Variants in PGM2 observed in about 807,000 individuals in gnomAD.
PGM2 encodes phosphopentomutase.
In PGM2, 57 loss-of-function variants were observed where a neutral mutation model predicts 74.6. The ratio of observed to expected loss-of-function variants is 0.76; its 90% CI spans 0.62 to 0.95. The LOEUF (loss-of-function observed/expected upper bound fraction) is 0.95, where lower values mean the gene tolerates loss of function less well. Ranked by LOEUF, PGM2 falls within the 40% of genes least tolerant of loss-of-function variation. The pLI, the probability that PGM2 is intolerant of heterozygous loss-of-function variation, is 0.00. For missense variants in PGM2, 706 were observed against 741.9 expected, an observed-to-expected ratio of 0.95 and a Z score of 0.56; for synonymous variants, 273 against 260.7, an observed-to-expected ratio of 1.05 and a Z score of -0.46.
intron 10 of PGM2, among the ~76,000 whole-genome samples, chr4:37,848,034 G>A (rs114361766): frequency 0.021 from 3,257 of 152,244 alleles, 36 homozygotes; most frequent in Non-Finnish European, 0.034. Flanking sequence ...TTTTAAGAAA[G>A]ATTTTCTTTC....
chr4:37,835,615 C>A (rs1725547962), intron 3 of PGM2, among the ~76,000 whole-genome samples: 1 of 152,158 alleles, frequency 6.6e-6, no homozygotes, highest in African/African-American at 2.4e-5. Context: ...TAGAATTACA[C>A]ATATTGAATA....
At chr4:37,848,474 G>T in intron 10 of PGM2, 48 bp from the exon 11 acceptor site, 3 of 1,546,176 alleles carry the variant, frequency 1.9e-6, no homozygotes, top group Non-Finnish European at 2.7e-6. Context: ...CTCATATGTG[G>T]TTTGACACAG....
At chr4:37,848,372 C>T in intron 10 of PGM2, 150 bp from the exon 11 acceptor site, 1 of 606,324 alleles carries the variant, frequency 1.6e-6, no homozygotes, top group Non-Finnish European at 2.7e-6. Context: ...GGGCTAGGCA[C>T]TGGGCTAAAT....
chr4:37,826,715 G>T lies in PGM2; in HGVS notation c.-18G>T, dbSNP rs1041671369. The T allele has an allele frequency of 3.3e-5, 51 of 1,545,026 alleles. No individual in the cohort carries two copies. The highest frequency in any genetic ancestry group is 2.7e-4 in the Admixed American group (14 of 50,976). ...CTCACCGCCTGCTTCCCTCTGCAGC[G>T]GTAGCACAAGCTCAGCGATGGCGGC... On this transcript the variant is annotated 5_prime_UTR_variant, in exon 1 of 14. Transcript: ENST00000381967.
chr4:37,851,353 T>G (rs570459769), intron 12 of PGM2, among the ~76,000 whole-genome samples: 26 of 152,368 alleles, frequency 1.7e-4, no homozygotes, highest in Non-Finnish European at 3.5e-4. Flanking sequence ...TGTTTTCTAG[T>G]TAGTGTACTC....
chr4:37,850,215 T>G lies in PGM2; in HGVS notation c.1444T>G (p.Phe482Val). 1 of 1,577,118 alleles carries G rather than the reference T, an allele frequency of 6.3e-7. No homozygotes were observed. Among genetic ancestry groups the G allele is most frequent in the Non-Finnish European group, 8.6e-7 (1 of 1,165,462 alleles). The change falls in exon 12 of 14, where the codon TTT (phenylalanine) becomes GTT (valine). Residue 482 changes from phenylalanine (F) to valine (V), a missense_variant. Physicochemically the swap from Phe to Val is conservative, Grantham distance 50. Transcript: ENST00000381967. ...YGYHITKASY[F>V]ICHDQETIKK... Reference sequence around the variant, plus strand: ...CTACCATATTACTAAAGCTTCCTATTTTATCTGCCATGATCAAGAAACCAT... The same window carrying G: ...CTACCATATTACTAAAGCTTCCTATGTTATCTGCCATGATCAAGAAACCAT...
intron 3 of PGM2, among the ~76,000 whole-genome samples, chr4:37,836,361 A>C (rs1184362855): frequency 2.0e-5 from 3 of 152,242 alleles, no homozygotes; most frequent in African/African-American, 7.2e-5. Context: ...CACATGGTAA[A>C]ATATTCATGA....
At chr4:37,842,194 A>T (rs1220130298) in intron 6 of PGM2, among the ~76,000 whole-genome samples, 2 of 146,074 alleles carry the variant, frequency 1.4e-5, no homozygotes, top group Non-Finnish European at 3.0e-5. Flanking sequence ...ACATATATGC[A>T]TATACTATAT....
At chr4:37,852,403 G>GGCTGGGCCAGCTGCTTTCTGGGTTGT in intron 12 of PGM2, among the ~76,000 whole-genome samples, 2 of 37,312 alleles carry the variant, frequency 5.4e-5, no homozygotes, top group Admixed American at 2.6e-4. Context: ...CTCCTGGTTG[G>GGCTGGGCCAGCTGCTTTCTGGGTTGT]GTGCACAGCT....
chr4:37,861,414 T>G, intron 13 of PGM2, 96 bp from the exon 14 acceptor site: 1 of 736,378 alleles, frequency 1.4e-6, no homozygotes. Flanking sequence ...CTTCTTAAGG[T>G]TATATTTTCA....
chr4:37,840,182 C>T lies in PGM2; in HGVS notation c.642C>T (p.Ser214=). Residue 214 remains serine (S), a synonymous_variant, in exon 6 of 14, where the codon AGC becomes AGT. Transcript: ENST00000381967. ...CTTGGGACGATTCTTTAATTGATAGCAGTCCACTTCTCCACAATCCGAGTG... is the reference window on the plus strand; with the variant it reads ...CTTGGGACGATTCTTTAATTGATAGTAGTCCACTTCTCCACAATCCGAGTG... ...PQAWDDSLID[S]SPLLHNPSAS... is the part of the protein sequence containing the mutation. 1 of 1,611,940 alleles carries T rather than the reference C, an allele frequency of 6.2e-7. No homozygotes were observed. The highest frequency in any genetic ancestry group is 8.5e-7 in the Non-Finnish European group (1 of 1,178,010).
rs375974508 is a variant in PGM2 at position 37,826,700 on chromosome 4, G to C, written c.-33G>C. On this transcript the variant is annotated 5_prime_UTR_variant, in exon 1 of 14. Coordinates refer to ENST00000381967, the MANE Select transcript of PGM2 (RefSeq NM_018290.4). ...GGCCGGAAGGCAGATCTCACCGCCT[G>C]CTTCCCTCTGCAGCGGTAGCACAAG... The C allele has an allele frequency of 1.3e-6, 2 of 1,518,052 alleles. No homozygotes were observed. The highest frequency in any genetic ancestry group is 2.8e-5 in the African/African-American group (2 of 72,208). 94.0% of individuals were successfully genotyped at this position (1,518,052 alleles called of 1,614,324 possible).
rs28411380 is a variant in PGM2, at chr4:37,826,714, C to A, written c.-19C>A. 1 of 1,542,630 alleles carries A rather than the reference C, an allele frequency of 6.5e-7. No individual in the cohort carries two copies. The highest frequency in any genetic ancestry group is 2.5e-5 in the East Asian group (1 of 40,792). On this transcript the variant is annotated 5_prime_UTR_variant, in exon 1 of 14. Transcript: ENST00000381967. ...TCTCACCGCCTGCTTCCCTCTGCAG[C>A]GGTAGCACAAGCTCAGCGATGGCGG...
chr4:37,831,192 C>CAAAAAAAAAAA (rs11432971), intron 2 of PGM2, among the ~76,000 whole-genome samples: 11 of 74,066 alleles, frequency 1.5e-4, no homozygotes, highest in Admixed American at 3.6e-4. Context: ...GACTCTGTCT[C>CAAAAAAAAAAA]AAAAAAAAAA....
At chr4:37,849,823 G>A (rs6531581) in intron 11 of PGM2, among the ~76,000 whole-genome samples, 13,747 of 151,512 alleles carry the variant, frequency 0.091, 1,232 homozygotes, top group African/African-American at 0.21. Context: ...GGAGTCTCTC[G>A]TTGCCCAGGC....
intron 3 of PGM2, 111 bp downstream of exon 3, chr4:37,834,835 C>G (rs1725525708): frequency 2.0e-6 from 1 of 503,086 alleles, no homozygotes. Flanking sequence ...CATTGCTTAA[C>G]TGTAAAAACA....
chr4:37,861,458 T>G, intron 13 of PGM2, 52 bp from the exon 14 acceptor site: 1 of 1,211,776 alleles, frequency 8.3e-7, no homozygotes, highest in Non-Finnish European at 1.2e-6. Context: ...GCATTTAAAC[T>G]GTGCTTTGGA....
chr4:37,850,003 G>C lies in PGM2; in HGVS notation c.1413-181G>C, dbSNP rs116079271. On this transcript the variant is annotated intron_variant, in intron 11 of 13. Coordinates refer to ENST00000381967, the MANE Select transcript of PGM2 (RefSeq NM_018290.4). The stretch of plus-strand genomic sequence containing the variant: ...AGGTTTCTCAATGTTGGCCAGGTTG[G>C]TCTCATACTCCTGACCTCAGGTGAT... 3.5e-3 allele frequency among the ~76,000 whole-genome samples: 526 copies of C among 151,752 alleles called. 7 individuals are homozygous for C. Among genetic ancestry groups the C allele is most frequent in the African/African-American group, 0.012 (508 of 41,402 alleles).
rs112186779 is a variant in PGM2 at position 37,846,913 on chromosome 4, G to GT, written c.1008-8dup. 0.023 allele frequency: 26,821 copies of GT among 1,158,208 alleles called. No individual in the cohort carries two copies. The highest frequency in any genetic ancestry group is 0.031 in the South Asian group (1,879 of 60,828). 71.7% of individuals were successfully genotyped at this position (1,158,208 alleles called of 1,614,324 possible). On this transcript the variant is annotated splice_polypyrimidine_tract_variant and intron_variant, in intron 8 of 13. Coordinates refer to ENST00000381967, the MANE Select transcript of PGM2 (RefSeq NM_018290.4). ...ATTATGGAAATGAATGGTGGTTGTT[G>GT]TTTTTTTTTTCTTTCAGTGGTGAAT...
Sources: allele counts gnomAD v4.1 joint callset (sites outside exome capture counted in the v4.1 genomes callset), GRCh38; gene constraint gnomAD v4.1.1; transcripts MANE v1.5; gene names NCBI Gene and HGNC (gene_info 2026-07-23, HGNC 2026-07-21).